Variants in CDK14 observed in about 807,000 individuals in gnomAD.
CDK14 encodes cyclin dependent kinase 14, also known as cyclin-dependent kinase 14.
Under a neutral mutation model 60.7 loss-of-function variants are expected in CDK14, and 34 were observed. The observed-to-expected ratio is 0.56, with a 90% CI of 0.43 to 0.75. The LOEUF (loss-of-function observed/expected upper bound fraction) is 0.75, where lower values mean the gene tolerates loss of function less well. CDK14 is among the 30% of genes least tolerant of loss of function. The pLI is 0.00. For synonymous variants in CDK14, 197 were observed against 203.7 expected, an observed-to-expected ratio of 0.97 and a Z score of 0.28; for missense variants, 482 against 564.1, an observed-to-expected ratio of 0.85 and a Z score of 1.47.
chr7:90,966,530 G>C (rs1374477432), intron 9 of CDK14, among the ~76,000 whole-genome samples: 1 of 152,158 alleles, frequency 6.6e-6, no homozygotes, highest in African/African-American at 2.4e-5. Flanking sequence ...AAGGGGAGCT[G>C]ATGGTCACAT....
At position 90,984,137 on chromosome 7, in the gene CDK14, T is replaced by A. The variant is rs779734426; in HGVS notation, c.948-11T>A. 133 of 1,566,608 alleles carry A rather than the reference T, an allele frequency of 8.5e-5. No homozygotes were observed. The highest frequency in any genetic ancestry group is 1.2e-4 in the Non-Finnish European group (131 of 1,137,552). On this transcript the variant is annotated splice_polypyrimidine_tract_variant and intron_variant, in intron 9 of 14. Coordinates refer to ENST00000380050, the MANE Select transcript of CDK14 (RefSeq NM_001287135.2). ...TTGAAGTTTTGTAACGATTCTTTCT[T>A]CTCTCTCTAGGGGAGTAGGTTGCAT...
At chr7:91,000,952 C>G (rs1479052880) in intron 10 of CDK14, among the ~76,000 whole-genome samples, 2 of 152,160 alleles carry the variant, frequency 1.3e-5, no homozygotes, top group East Asian at 3.8e-4. Flanking sequence ...CTATTCATGT[C>G]AGGTTAGTTT....
Position 90,683,897 on chromosome 7 carries a change from C to CGTGTGTGTGT in CDK14, c.124-42643_124-42634dup, listed in dbSNP as rs35197919. 7.5e-4 allele frequency among the ~76,000 whole-genome samples: 110 copies of CGTGTGTGTGT among 145,762 alleles called. 2 individuals carry two copies. Among genetic ancestry groups the CGTGTGTGTGT allele is most frequent in the Middle Eastern group, 3.5e-3 (1 of 282 alleles). On this transcript the variant is annotated intron_variant, in intron 2 of 14. Transcript: ENST00000380050. Reference sequence around the variant, plus strand: ...TGAGCAGATAGAGCTAGAAAATGTACGTGTGTGTGTGTGTGTGTGTGTGTG... The same window carrying CGTGTGTGTGT: ...TGAGCAGATAGAGCTAGAAAATGTACGTGTGTGTGTGTGTGTGTGTGTGTGTGTGTGTGTG...
chr7:91,133,023 G>A (rs1249839418), intron 14 of CDK14, among the ~76,000 whole-genome samples: 2 of 151,874 alleles, frequency 1.3e-5, no homozygotes, highest in Admixed American at 1.3e-4. Flanking sequence ...TTTAAATTTT[G>A]TGAATATATA....
At chr7:91,025,214 A>G in intron 10 of CDK14, among the ~76,000 whole-genome samples, 1 of 152,134 alleles carries the variant, frequency 6.6e-6, no homozygotes, top group Non-Finnish European at 1.5e-5. Flanking sequence ...GCACCATAAC[A>G]AAACTGGATT....
At chr7:91,190,647 G>T (rs983599324) in intron 14 of CDK14, among the ~76,000 whole-genome samples, 1 of 152,052 alleles carries the variant, frequency 6.6e-6, no homozygotes, top group Non-Finnish European at 1.5e-5. Context: ...GCACCACCAT[G>T]CCTGGCTAAT....
chr7:90,637,963 C>T (rs527917124), intron 2 of CDK14, among the ~76,000 whole-genome samples: 7 of 141,602 alleles, frequency 4.9e-5, no homozygotes, highest in Non-Finnish European at 1.1e-4. Flanking sequence ...CAACCCCTGC[C>T]TTTTTTTGTT....
Position 90,922,799 on chromosome 7 carries a change from C to T in CDK14, c.826+5075C>T, listed in dbSNP as rs751831163. Reference sequence around the variant, plus strand: ...TATCACAACATAACATTGTCTCAAGCATATTAAAATTATAAATATTTGAGA... The same window carrying T: ...TATCACAACATAACATTGTCTCAAGTATATTAAAATTATAAATATTTGAGA... On this transcript the variant is annotated intron_variant, in intron 8 of 14. Transcript: ENST00000380050. Among the ~76,000 whole-genome samples the T allele has an allele frequency of 1.2e-4, 18 of 152,208 alleles. No homozygotes were observed. The South Asian group carries it at 1.9e-3, about 16-fold the overall frequency.
intron 5 of CDK14, among the ~76,000 whole-genome samples, chr7:90,825,948 T>G (rs887934986): frequency 6.6e-6 from 1 of 152,216 alleles, no homozygotes; most frequent in Non-Finnish European, 1.5e-5. Flanking sequence ...TTTAAAGATA[T>G]GATTAGTCAT....
intron 5 of CDK14, among the ~76,000 whole-genome samples, chr7:90,841,955 C>G (rs1790310008): frequency 2.0e-5 from 3 of 151,976 alleles, no homozygotes; most frequent in Non-Finnish European, 4.4e-5. Flanking sequence ...GAGACAAAGC[C>G]TAGAATTCAA....
At position 91,209,648 on chromosome 7, in the gene CDK14, A is replaced by G. The variant is rs1803008924; in HGVS notation, c.*2512A>G. 1.3e-5 allele frequency: 2 copies of G among 152,684 alleles called. No individual in the cohort carries two copies. The highest frequency in any genetic ancestry group is 4.8e-5 in the African/African-American group (2 of 41,468). The allele number at this position is 152,684 out of a possible 1,614,324, so 9.5% of individuals were successfully genotyped here. ...ATAGCCTGAACTCAAACAGATGGTAAGAATAGTACAAACACCTTAGCACAT... is the reference window on the plus strand; with the variant it reads ...ATAGCCTGAACTCAAACAGATGGTAGGAATAGTACAAACACCTTAGCACAT... On this transcript the variant is annotated 3_prime_UTR_variant, in exon 15 of 15. Transcript: ENST00000380050.
At chr7:91,070,714 A>G (rs1472727436) in intron 11 of CDK14, among the ~76,000 whole-genome samples, 1 of 152,126 alleles carries the variant, frequency 6.6e-6, no homozygotes, top group African/African-American at 2.4e-5. Flanking sequence ...GAGCGTGATT[A>G]TGCCATTGCA....
rs540208948 is a variant in CDK14, at chr7:90,967,338, T to G, written c.947+11521T>G. ...TCTAGAAAGGGAGATCTATGCACGT[T>G]TTACCACATGCCCTGCTTTTGTTGA... On this transcript the variant is annotated intron_variant, in intron 9 of 14. Transcript: ENST00000380050. Among the ~76,000 whole-genome samples the G allele has an allele frequency of 2.2e-4, 34 of 152,286 alleles. No homozygotes were observed. The East Asian group carries it at 2.5e-3, about 11-fold the overall frequency.
At chr7:91,135,091 T>C (rs1800236355) in intron 14 of CDK14, among the ~76,000 whole-genome samples, 1 of 152,126 alleles carries the variant, frequency 6.6e-6, no homozygotes, top group Non-Finnish European at 1.5e-5. Flanking sequence ...CAGTGCTTCA[T>C]TATTCAGTAA....
chr7:90,596,563 C>A lies in CDK14; in HGVS notation c.-65C>A. On this transcript the variant is annotated 5_prime_UTR_variant, in exon 1 of 15. Transcript: ENST00000380050. ...CGCCGCTTTCCCCGCGGCGCGCGCCCTCGCCGTTGTCTGAGCTGTGCCTGG... is the reference window on the plus strand; with the variant it reads ...CGCCGCTTTCCCCGCGGCGCGCGCCATCGCCGTTGTCTGAGCTGTGCCTGG... 7.1e-7 allele frequency: 1 copy of A among 1,418,404 alleles called. No individual in the cohort carries two copies. The highest frequency in any genetic ancestry group is 1.2e-5 in the South Asian group (1 of 85,478). 87.9% of individuals were successfully genotyped at this position (1,418,404 alleles called of 1,614,324 possible).
At chr7:90,881,895 T>C (rs938042789) in intron 6 of CDK14, among the ~76,000 whole-genome samples, 1 of 152,158 alleles carries the variant, frequency 6.6e-6, no homozygotes, top group Non-Finnish European at 1.5e-5. Flanking sequence ...GCTGAGGGAT[T>C]CTGTTACCAC....
chr7:90,991,387 T>C (rs1795528767), intron 10 of CDK14, among the ~76,000 whole-genome samples: 2 of 152,052 alleles, frequency 1.3e-5, no homozygotes, highest in South Asian at 4.1e-4. Flanking sequence ...ACTGCCTACC[T>C]TGTAGGGGAT....
chr7:90,779,927 C>A (rs1805236553), intron 4 of CDK14, among the ~76,000 whole-genome samples: 1 of 152,152 alleles, frequency 6.6e-6, no homozygotes, highest in African/African-American at 2.4e-5. Context: ...ACATGTCAAT[C>A]TTTTAGTCCA....
chr7:91,201,177 A>T (rs897481649), intron 14 of CDK14, among the ~76,000 whole-genome samples: 1 of 152,236 alleles, frequency 6.6e-6, no homozygotes, highest in Non-Finnish European at 1.5e-5. Context: ...GCTAAATTTG[A>T]TCAAATTATA....
Sources: gnomAD v4.1 joint callset for allele counts (sites outside exome capture counted in the v4.1 genomes callset) on GRCh38, gnomAD v4.1.1 for gene constraint, MANE v1.5 for transcripts, NCBI Gene and HGNC (gene_info 2026-07-23, HGNC 2026-07-21) for gene names.